The following WHRN variants were observed in gnomAD, a reference collection of about 807,000 sequenced individuals.
WHRN encodes CASK-interacting protein CIP98.
A neutral mutation model predicts 68.3 loss-of-function variants in WHRN; 41 were observed. The observed-to-expected ratio is 0.60, with a 90% CI of 0.47 to 0.78. The LOEUF (loss-of-function observed/expected upper bound fraction) is 0.78, where lower values mean the gene tolerates loss of function less well. WHRN is among the 30% of genes least tolerant of loss of function. The probability of loss-of-function intolerance (pLI) is 0.00; values close to 1 mark genes in which losing one functional copy is unlikely to be tolerated. For missense variants in WHRN, 1,243 were observed against 1,244.7 expected (o/e 1.00, Z 0.02); for synonymous variants, 560 against 561.3 (o/e 1.00, Z 0.03).
chr9:114,455,140 G>C (rs1186114925), intron 3 of WHRN, among the ~76,000 whole-genome samples: 5 of 147,934 alleles, frequency 3.4e-5, no homozygotes, highest in African/African-American at 7.5e-5. Context: ...CCTTGGGTTA[G>C]ACAAAATATG....
chr9:114,481,050 T>C (rs1408887162), intron 1 of WHRN, among the ~76,000 whole-genome samples: 2 of 150,374 alleles, frequency 1.3e-5, no homozygotes, highest in Non-Finnish European at 3.0e-5. Flanking sequence ...AGAAGGGGGG[T>C]GAACACTTAG....
At chr9:114,490,337 A>G (rs1366115410) in intron 1 of WHRN, among the ~76,000 whole-genome samples, 4 of 152,214 alleles carry the variant, frequency 2.6e-5, no homozygotes, top group Admixed American at 2.6e-4. Flanking sequence ...AGGCCAGGGG[A>G]GATGGCAGAG....
At chr9:114,483,989 G>C (rs4327928) in intron 1 of WHRN, among the ~76,000 whole-genome samples, 2 of 151,960 alleles carry the variant, frequency 1.3e-5, no homozygotes, top group African/African-American at 4.8e-5. Context: ...ACTGTCCTCA[G>C]TTTCTCCCAT....
chr9:114,430,338 C>T (rs1442387642), intron 3 of WHRN, among the ~76,000 whole-genome samples: 1 of 152,152 alleles, frequency 6.6e-6, no homozygotes, highest in East Asian at 1.9e-4. Flanking sequence ...ATACATATGT[C>T]CCAAATATTG....
At chr9:114,464,845 TGATGATGATGATGATGATGATGTC>T (rs1840539583) in intron 3 of WHRN, among the ~76,000 whole-genome samples, 1 of 129,386 alleles carries the variant, frequency 7.7e-6, no homozygotes, top group African/African-American at 4.4e-5. Context: ...ATGATGATGA[TGATGATGATGATGATGATGATGTC>T]GTCTGTCTGT....
intron 1 of WHRN, among the ~76,000 whole-genome samples, chr9:114,500,662 G>A (rs1237945954): frequency 1.3e-5 from 2 of 152,186 alleles, no homozygotes; most frequent in Non-Finnish European, 2.9e-5. Context: ...GCAGTGCCCC[G>A]CTACCCTGTG....
intron 1 of WHRN, among the ~76,000 whole-genome samples, chr9:114,483,264 C>G (rs1452708127): frequency 6.6e-6 from 1 of 152,164 alleles, no homozygotes; most frequent in East Asian, 1.9e-4. Context: ...GGGATATGGT[C>G]TTGGTGCAGT....
At chr9:114,425,515 A>T in intron 4 of WHRN, 1 of 328,128 alleles carries the variant, frequency 3.0e-6, no homozygotes, top group Non-Finnish European at 5.7e-6. Context: ...AAAACCTGGT[A>T]TCTTTCTAGA....
intron 7 of WHRN, 117 bp from the exon 8 acceptor site, chr9:114,408,135 A>G (rs971775802): frequency 1.7e-5 from 14 of 805,780 alleles, no homozygotes; most frequent in Non-Finnish European, 3.0e-5. Flanking sequence ...GGTTCATGTG[A>G]GCCCTGACAT....
chr9:114,428,154 G>T (rs1399520594), intron 3 of WHRN, among the ~76,000 whole-genome samples: 1 of 152,256 alleles, frequency 6.6e-6, no homozygotes, highest in East Asian at 1.9e-4. Context: ...ATGGCAAAAT[G>T]CTGTCTCTAC....
chr9:114,406,785 C>T lies in WHRN; in HGVS notation c.1806G>A (p.Leu602=), dbSNP rs1387887272. 2.5e-6 allele frequency: 4 copies of T among 1,613,828 alleles called. No homozygotes were observed. Among genetic ancestry groups the T allele is most frequent in the African/African-American group, 1.3e-5 (1 of 74,944 alleles). The change falls in exon 9 of 12, where the codon CTG becomes CTA. Residue 602 remains leucine, a synonymous_variant. Coordinates refer to ENST00000362057, the MANE Select transcript of WHRN (RefSeq NM_015404.4). ...AAGGTGGCTGGAGGTCCTCTCTCCC[C>T]AGCTTCCTTGGCTGGCCTAGTGGGA... The part of the protein sequence containing the change: ...NDLPLGQPRK[L]GREDLQPPSS...
intron 1 of WHRN, among the ~76,000 whole-genome samples, chr9:114,493,300 G>C (rs1843145810): frequency 7.5e-6 from 1 of 133,138 alleles, no homozygotes; most frequent in African/African-American, 2.8e-5. Context: ...GCAGAGAGCT[G>C]TTATCGCGCC....
chr9:114,428,678 A>G (rs1389281717), intron 3 of WHRN, among the ~76,000 whole-genome samples: 1 of 152,086 alleles, frequency 6.6e-6, no homozygotes, highest in Non-Finnish European at 1.5e-5. Flanking sequence ...ATCGCTTCAA[A>G]TCCAGCGTGT....
intron 1 of WHRN, among the ~76,000 whole-genome samples, chr9:114,494,422 G>T (rs1055925799): frequency 6.6e-6 from 1 of 152,208 alleles, no homozygotes; most frequent in Non-Finnish European, 1.5e-5. Context: ...AACAGAGAAG[G>T]TAAGTAACTT....
chr9:114,422,088 A>G (rs1278107372), intron 7 of WHRN, among the ~76,000 whole-genome samples: 1 of 152,154 alleles, frequency 6.6e-6, no homozygotes, highest in African/African-American at 2.4e-5. Context: ...TCACTCATTA[A>G]CCATCTGTGT....
At chr9:114,433,186 T>G (rs1589128156) in intron 3 of WHRN, among the ~76,000 whole-genome samples, 1 of 152,200 alleles carries the variant, frequency 6.6e-6, no homozygotes, top group African/African-American at 2.4e-5. Context: ...AGCCCTGGGC[T>G]TTAGGCCATG....
At chr9:114,408,637 G>A (rs1246106732) in intron 7 of WHRN, among the ~76,000 whole-genome samples, 2 of 152,226 alleles carry the variant, frequency 1.3e-5, no homozygotes, top group African/African-American at 2.4e-5. Context: ...CTCTGAGCTG[G>A]GCTCTCTTGA....
intron 3 of WHRN, among the ~76,000 whole-genome samples, chr9:114,430,073 T>C (rs1837277231): frequency 6.6e-6 from 1 of 152,224 alleles, no homozygotes; most frequent in South Asian, 2.1e-4. Context: ...ATTTTAATCT[T>C]CCCTTTAACA....
intron 1 of WHRN, among the ~76,000 whole-genome samples, chr9:114,500,719 G>A (rs933471389): frequency 3.9e-5 from 6 of 152,182 alleles, no homozygotes; most frequent in African/African-American, 1.4e-4. Context: ...GTGAGCAAGT[G>A]AATTTGATTT....
Sources: allele counts gnomAD v4.1 joint callset (sites outside exome capture counted in the v4.1 genomes callset), GRCh38; gene constraint gnomAD v4.1.1; transcripts MANE v1.5; gene names NCBI Gene and HGNC (gene_info 2026-07-23, HGNC 2026-07-21).